CAMTA1: variants seen among roughly 807,000 people sequenced by gnomAD.
The protein encoded by CAMTA1 is calmodulin binding transcription activator 1.
In CAMTA1, 27 loss-of-function variants were observed where a neutral mutation model predicts 170.9. The ratio of observed to expected loss-of-function variants is 0.16; its 90% confidence interval spans 0.12 to 0.22. The LOEUF (loss-of-function observed/expected upper bound fraction) is 0.22. Among genes scored for constraint, CAMTA1 ranks in the 10% least tolerant of loss-of-function variants. The pLI, the probability that CAMTA1 is intolerant of heterozygous loss-of-function variation, is 1.00. For synonymous variants in CAMTA1, 833 were observed against 891.5 expected, an observed-to-expected ratio of 0.93 and a Z score of 1.17; for missense variants, 1,619 against 2,217.2, an observed-to-expected ratio of 0.73 and a Z score of 5.42.
At chr1:7,593,664 A>G (rs1234054046) in intron 6 of CAMTA1, among the ~76,000 whole-genome samples, 1 of 151,200 alleles carries the variant, frequency 6.6e-6, no homozygotes, top group Non-Finnish European at 1.5e-5. Context: ...TAACTGTTGT[A>G]TTTTTAGTAA....
chr1:7,427,861 A>G (rs897224094), intron 5 of CAMTA1, among the ~76,000 whole-genome samples: 1 of 152,124 alleles, frequency 6.6e-6, no homozygotes, highest in Non-Finnish European at 1.5e-5. Flanking sequence ...GCCTTGAGGT[A>G]CAGGGAGCTC....
intron 15 of CAMTA1, 98 bp downstream of exon 15, chr1:7,737,668 T>C: frequency 8.5e-7 from 1 of 1,180,782 alleles, no homozygotes; most frequent in Non-Finnish European, 1.2e-6. Context: ...GTCACATACA[T>C]TTCAGTTTTT....
intron 11 of CAMTA1, among the ~76,000 whole-genome samples, chr1:7,704,097 T>G (rs985440920): frequency 1.3e-5 from 2 of 151,062 alleles, no homozygotes; most frequent in African/African-American, 4.9e-5. Context: ...CCCTCCAGCC[T>G]GGCCCCCACG....
chr1:7,273,510 G>A (rs567329039), intron 5 of CAMTA1, among the ~76,000 whole-genome samples: 1 of 152,300 alleles, frequency 6.6e-6, no homozygotes, highest in East Asian at 1.9e-4. Flanking sequence ...TATATGAAAT[G>A]CCCAGAATAG....
At chr1:6,968,023 C>T (rs1427723438) in intron 3 of CAMTA1, among the ~76,000 whole-genome samples, 2 of 152,156 alleles carry the variant, frequency 1.3e-5, no homozygotes, top group Non-Finnish European at 1.5e-5. Context: ...TGCTTTAACT[C>T]GAAGAACATC....
chr1:7,469,183 A>G (rs1397724702), intron 6 of CAMTA1, among the ~76,000 whole-genome samples: 3 of 152,134 alleles, frequency 2.0e-5, no homozygotes, highest in African/African-American at 7.2e-5. Flanking sequence ...CCCTGTCATC[A>G]GTTTCCCTGG....
chr1:7,347,353 T>C (rs1203070240), intron 5 of CAMTA1, among the ~76,000 whole-genome samples: 2 of 152,218 alleles, frequency 1.3e-5, no homozygotes, highest in African/African-American at 4.8e-5. Context: ...AGTGGTCCGG[T>C]GCCCAGGCAG....
intron 3 of CAMTA1, among the ~76,000 whole-genome samples, chr1:7,024,042 A>G (rs28423685): frequency 1.1e-4 from 16 of 150,366 alleles, no homozygotes; most frequent in East Asian, 3.9e-4. Flanking sequence ...AAAAAAAAAA[A>G]AAAGAAAGAA....
At chr1:7,749,974 T>G (rs564706583) in intron 19 of CAMTA1, among the ~76,000 whole-genome samples, 1 of 152,048 alleles carries the variant, frequency 6.6e-6, no homozygotes, top group Non-Finnish European at 1.5e-5. Flanking sequence ...TCAGCTGGAG[T>G]GGGTTTCGAC....
intron 6 of CAMTA1, among the ~76,000 whole-genome samples, chr1:7,612,540 T>C (rs2095530992): frequency 6.6e-6 from 1 of 152,122 alleles, no homozygotes; most frequent in South Asian, 2.1e-4. Flanking sequence ...CTGTTCCCAT[T>C]TAGGGCTGCA....
chr1:7,215,917 A>G (rs1659670498), intron 4 of CAMTA1, among the ~76,000 whole-genome samples: 1 of 152,220 alleles, frequency 6.6e-6, no homozygotes, highest in African/African-American at 2.4e-5. Context: ...TAGATTCCCC[A>G]TCTACTAATA....
At chr1:7,282,109 G>C (rs1671606134) in intron 5 of CAMTA1, among the ~76,000 whole-genome samples, 1 of 152,114 alleles carries the variant, frequency 6.6e-6, no homozygotes, top group Admixed American at 6.5e-5. Context: ...TATAGAAAGA[G>C]AGCTTTAGGG....
Position 6,824,581 on chromosome 1 carries a change from A to G in CAMTA1, c.116-511A>G, listed in dbSNP as rs1646894817. ...CCTGAGTAGCTAACTGCAGGCTTAA[A>G]TCCCTTATATTTATAAGATTTGTGA... On this transcript the variant is annotated intron_variant, in intron 2 of 22. Coordinates refer to ENST00000303635, the MANE Select transcript of CAMTA1 (RefSeq NM_015215.4). Among the ~76,000 whole-genome samples the G allele has an allele frequency of 3.3e-5, 5 of 152,280 alleles. No individual in the cohort carries two copies. The South Asian group carries it at 8.3e-4, about 25-fold the overall frequency.
intron 3 of CAMTA1, among the ~76,000 whole-genome samples, chr1:6,927,049 AT>A (rs917655706): frequency 1.0e-4 from 15 of 149,150 alleles, no homozygotes; most frequent in African/African-American, 2.2e-4. Flanking sequence ...CTCGGTGATT[AT>A]TTTTTTTTTA....
At chr1:7,231,350 TGAGA>T (rs1553280259) in intron 4 of CAMTA1, among the ~76,000 whole-genome samples, 1 of 141,192 alleles carries the variant, frequency 7.1e-6, no homozygotes, top group African/African-American at 2.7e-5. Flanking sequence ...TGTGTGTGTG[TGAGA>T]GAGAGAGAGA....
chr1:7,327,270 G>C (rs563046822), intron 5 of CAMTA1, among the ~76,000 whole-genome samples: 1 of 151,920 alleles, frequency 6.6e-6, no homozygotes, highest in Admixed American at 6.6e-5. Context: ...GCCAGGCTTG[G>C]TGGTGGGCGC....
intron 5 of CAMTA1, among the ~76,000 whole-genome samples, chr1:7,294,176 C>T (rs936086569): frequency 1.3e-5 from 2 of 152,062 alleles, no homozygotes; most frequent in African/African-American, 4.8e-5. Flanking sequence ...AGGGGATAAC[C>T]CAAGGTGGCA....
intron 4 of CAMTA1, among the ~76,000 whole-genome samples, chr1:7,164,069 G>A (rs1488741063): frequency 6.6e-6 from 1 of 152,168 alleles, no homozygotes; most frequent in South Asian, 2.1e-4. Flanking sequence ...ACAATGCCAG[G>A]ATAGCAGTTA....
At chr1:6,917,809 C>T (rs556303637) in intron 3 of CAMTA1, among the ~76,000 whole-genome samples, 2 of 128,874 alleles carry the variant, frequency 1.6e-5, no homozygotes, top group South Asian at 2.4e-4. Context: ...CCGAGAAAGA[C>T]GCAGCAAGGA....
Sources: allele counts gnomAD v4.1 joint callset (sites outside exome capture counted in the v4.1 genomes callset), GRCh38; gene constraint gnomAD v4.1.1; transcripts MANE v1.5; gene names NCBI Gene and HGNC (gene_info 2026-07-23, HGNC 2026-07-21).